TBC1D23: variants seen among roughly 807,000 people sequenced by gnomAD.
The protein encoded by TBC1D23 is HCV non-structural protein 4A-transactivated protein 1.
Under a neutral mutation model 91.4 loss-of-function variants are expected in TBC1D23, and 55 were observed. The observed-to-expected ratio is 0.60, with a 90% confidence interval of 0.48 to 0.75. The LOEUF (loss-of-function observed/expected upper bound fraction) is 0.75, where lower values mean the gene tolerates loss of function less well. TBC1D23 is among the 30% of genes least tolerant of loss of function. The probability of loss-of-function intolerance (pLI) is 0.00; values close to 1 mark genes in which losing one functional copy is unlikely to be tolerated. For synonymous variants in TBC1D23, 289 were observed against 281.0 expected, an observed-to-expected ratio of 1.03 and a Z score of -0.28; for missense variants, 725 against 836.1, an observed-to-expected ratio of 0.87 and a Z score of 1.64.
Position 100,299,699 on chromosome 3 carries a change from C to T in TBC1D23, c.1092+368C>T, listed in dbSNP as rs561759043. ...TAATTTTTTGTATTTTTAGTAGAGA[C>T]GGGCTTTCACCATGTTGGCCAGGCT... On this transcript the variant is annotated intron_variant, in intron 10 of 18. Transcript: ENST00000394144. 1.0e-3 allele frequency among the ~76,000 whole-genome samples: 152 copies of T among 152,196 alleles called. 1 individual carries two copies. The highest frequency in any genetic ancestry group is 3.5e-3 in the African/African-American group (146 of 41,540).
intron 5 of TBC1D23, among the ~76,000 whole-genome samples, chr3:100,291,913 C>T (rs749395136): frequency 2.0e-5 from 3 of 151,318 alleles, no homozygotes; most frequent in Admixed American, 6.6e-5. Flanking sequence ...TTACAGGTGC[C>T]GGCCACCATG....
At chr3:100,266,318 G>C (rs1438281703) in intron 1 of TBC1D23, among the ~76,000 whole-genome samples, 1 of 151,402 alleles carries the variant, frequency 6.6e-6, no homozygotes, top group Admixed American at 6.6e-5. Flanking sequence ...CACCCAGGCT[G>C]GAGTGCAGTG....
chr3:100,275,045 G>A (rs1233791890), intron 1 of TBC1D23, among the ~76,000 whole-genome samples: 1 of 151,796 alleles, frequency 6.6e-6, no homozygotes, highest in African/African-American at 2.4e-5. Context: ...GACATTTCAG[G>A]ATATGGAATT....
At position 100,319,133 on chromosome 3, in the gene TBC1D23, G is replaced by A; in HGVS notation, c.1752G>A (p.Trp584Ter). The A allele has an allele frequency of 6.2e-7, 1 of 1,607,274 alleles. No homozygotes were observed. The highest frequency in any genetic ancestry group is 8.5e-7 in the Non-Finnish European group (1 of 1,175,356). Residue 584 changes from tryptophan to a stop codon, truncating the protein, a stop_gained, in exon 17 of 19, where the codon TGG (tryptophan) becomes TGA (stop). Transcript: ENST00000394144. LOFTEE classifies it high-confidence loss of function. ...AAGAGGTTGTAAACATTCAGACTTGGATAAACAAACCAGATGTCAAACATC... is the reference window on the plus strand; with the variant it reads ...AAGAGGTTGTAAACATTCAGACTTGAATAAACAAACCAGATGTCAAACATC... ...DRKEVVNIQT[W>*]INKPDVKHHF...
chr3:100,304,874 G>T lies in TBC1D23; in HGVS notation c.1292G>T (p.Ser431Ile). 6.7e-7 allele frequency: 1 copy of T among 1,502,250 alleles called. No individual in the cohort carries two copies. Among genetic ancestry groups the T allele is most frequent in the Non-Finnish European group, 9.3e-7 (1 of 1,080,764 alleles). 93.1% of individuals were successfully genotyped at this position (1,502,250 alleles called of 1,614,324 possible). A position where few individuals can be genotyped will look rare whatever the true frequency, so the allele number is the denominator to read the frequency against. Residue 431 changes from serine (S) to isoleucine (I), a missense_variant, in exon 12 of 19, where the codon AGT (serine) becomes ATT (isoleucine). By Grantham distance (142) the Ser-to-Ile change is moderately radical. Coordinates refer to ENST00000394144, the MANE Select transcript of TBC1D23 (RefSeq NM_001199198.3). Reference sequence around the variant, plus strand: ...AACAAAGAATATGTGAGTATTGCCAGTGGAGGATTTATGGGTAAGATTTTG... The same window carrying T: ...AACAAAGAATATGTGAGTATTGCCATTGGAGGATTTATGGGTAAGATTTTG... ...QKNKEYVSIASGGFMALQQHL... is the reference protein window; with the variant it reads ...QKNKEYVSIAIGGFMALQQHL...
intron 13 of TBC1D23, among the ~76,000 whole-genome samples, chr3:100,308,204 A>G (rs71313591): frequency 0.25 from 38,771 of 152,208 alleles, 5,255 homozygotes; most frequent in East Asian, 0.49. Flanking sequence ...GGCCGGGCAC[A>G]GTGGCTCACG....
chr3:100,278,840 T>G (rs753702802), intron 1 of TBC1D23, among the ~76,000 whole-genome samples: 1 of 152,260 alleles, frequency 6.6e-6, no homozygotes, highest in Admixed American at 6.5e-5. Flanking sequence ...GGTAATTTAC[T>G]TGATGATGTG....
chr3:100,296,425 T>C, intron 8 of TBC1D23, 150 bp downstream of exon 8: 1 of 529,338 alleles, frequency 1.9e-6, no homozygotes, highest in Non-Finnish European at 3.3e-6. Context: ...TTCATCTCTG[T>C]AAATACCCTC....
At chr3:100,263,914 A>G (rs997730110) in intron 1 of TBC1D23, among the ~76,000 whole-genome samples, 1 of 152,058 alleles carries the variant, frequency 6.6e-6, no homozygotes, top group African/African-American at 2.4e-5. Flanking sequence ...TGTAGGATTG[A>G]TGTATCTTTG....
intron 1 of TBC1D23, 26 bp downstream of exon 1, chr3:100,261,097 C>T (rs2067506291): frequency 1.9e-6 from 3 of 1,604,930 alleles, no homozygotes; most frequent in South Asian, 1.1e-5. Context: ...GGCTAATTTC[C>T]AATGCCCCTT....
intron 18 of TBC1D23, among the ~76,000 whole-genome samples, chr3:100,321,849 T>A (rs1458322245): frequency 6.6e-6 from 1 of 150,716 alleles, no homozygotes; most frequent in East Asian, 2.0e-4. Flanking sequence ...AAAAAATCAC[T>A]TCATTGCTTT....
At chr3:100,289,950 G>A (rs374397631) in intron 4 of TBC1D23, among the ~76,000 whole-genome samples, 111 of 152,272 alleles carry the variant, frequency 7.3e-4, no homozygotes, top group Middle Eastern at 6.8e-3. Context: ...AAATGTTAAT[G>A]TACATGTTTG....
intron 3 of TBC1D23, among the ~76,000 whole-genome samples, chr3:100,283,393 T>C (rs2067711557): frequency 6.6e-6 from 1 of 152,030 alleles, no homozygotes; most frequent in Non-Finnish European, 1.5e-5. Context: ...AAGGCTGTTA[T>C]AAAGCGTTTT....
intron 4 of TBC1D23, among the ~76,000 whole-genome samples, chr3:100,287,118 CTCT>C (rs759561618): frequency 6.6e-6 from 1 of 151,910 alleles, no homozygotes; most frequent in Non-Finnish European, 1.5e-5. Context: ...CAGCCTTTTT[CTCT>C]TCTTTTTTTG....
At chr3:100,274,460 T>G (rs2067628204) in intron 1 of TBC1D23, among the ~76,000 whole-genome samples, 1 of 152,164 alleles carries the variant, frequency 6.6e-6, no homozygotes, top group Non-Finnish European at 1.5e-5. Flanking sequence ...TCTTGACCAT[T>G]TTTCAGTGTA....
intron 8 of TBC1D23, among the ~76,000 whole-genome samples, chr3:100,297,613 GAT>G (rs1483125075): frequency 1.3e-5 from 2 of 151,744 alleles, no homozygotes; most frequent in African/African-American, 2.4e-5. Flanking sequence ...TTTTTATTAA[GAT>G]ATGAAAAATT....
At chr3:100,276,984 T>C (rs770518964) in intron 1 of TBC1D23, among the ~76,000 whole-genome samples, 6 of 152,236 alleles carry the variant, frequency 3.9e-5, no homozygotes, top group Admixed American at 6.5e-5. Context: ...CTTGTCTGGA[T>C]GTCCAGTGTA....
In TBC1D23 at chr3:100,265,677, T is replaced by TA. The variant is rs774659903; in HGVS notation, c.53+4608dup. Among the ~76,000 whole-genome samples the TA allele has an allele frequency of 2.0e-5, 3 of 152,224 alleles. No individual in the cohort carries two copies. In the South Asian group the frequency reaches 6.2e-4, roughly 31 times the overall value. On this transcript the variant is annotated intron_variant, in intron 1 of 18. Coordinates refer to ENST00000394144, the MANE Select transcript of TBC1D23 (RefSeq NM_001199198.3). ...TATTTTGGTATTGACTTCAATTATATAACTGTTGAAATTGGGAGTTTGTTT... is the reference window on the plus strand; with the variant it reads ...TATTTTGGTATTGACTTCAATTATATAAACTGTTGAAATTGGGAGTTTGTTT...
chr3:100,286,232 C>T (rs1257572119), intron 4 of TBC1D23, among the ~76,000 whole-genome samples: 1 of 152,230 alleles, frequency 6.6e-6, no homozygotes, highest in Non-Finnish European at 1.5e-5. Context: ...TAGCACTTCT[C>T]ATGGCCACCT....
Sources: gnomAD v4.1 joint callset for allele counts (sites outside exome capture counted in the v4.1 genomes callset) on GRCh38, gnomAD v4.1.1 for gene constraint, MANE v1.5 for transcripts, NCBI Gene and HGNC (gene_info 2026-07-23, HGNC 2026-07-21) for gene names.